ZCWPW2: variants seen among roughly 807,000 people sequenced by gnomAD.
ZCWPW2 encodes zinc finger CW-type and PWWP domain containing 2.
Under a neutral mutation model 46.6 loss-of-function variants are expected in ZCWPW2, and 45 were observed. That is an observed-to-expected ratio of 0.96 (90% CI 0.76 to 1.24). The LOEUF is 1.24. ZCWPW2 is among the 50% of genes most tolerant of loss of function. The pLI is 0.00. For missense variants in ZCWPW2, 429 were observed against 403.9 expected (o/e 1.06, Z -0.53); for synonymous variants, 152 against 137.1 (o/e 1.11, Z -0.76).
At chr3:28,484,642 T>C (rs1699534737) in intron 5 of ZCWPW2, among the ~76,000 whole-genome samples, 1 of 152,068 alleles carries the variant, frequency 6.6e-6, no homozygotes, top group African/African-American at 2.4e-5. Flanking sequence ...TCATTTCTAA[T>C]ATTAGTAATT....
chr3:28,391,587 A>T (rs143056850), intron 2 of ZCWPW2, among the ~76,000 whole-genome samples: 1 of 152,208 alleles, frequency 6.6e-6, no homozygotes, highest in African/African-American at 2.4e-5. Context: ...GGCTACTAGT[A>T]TCAGCAGTGT....
At chr3:28,454,133 C>G (rs1050781935) in intron 4 of ZCWPW2, among the ~76,000 whole-genome samples, 24 of 152,180 alleles carry the variant, frequency 1.6e-4, no homozygotes, top group African/African-American at 5.1e-4. Context: ...CGTGAGCCAC[C>G]GCGCCCGGCC....
intron 2 of ZCWPW2, among the ~76,000 whole-genome samples, chr3:28,410,089 A>G (rs1440170858): frequency 1.3e-5 from 2 of 152,150 alleles, no homozygotes; most frequent in African/African-American, 4.8e-5. Flanking sequence ...GGTTCCACTA[A>G]TTAAACTAGT....
Position 28,492,163 on chromosome 3 carries a change from T to A in ZCWPW2, c.647T>A (p.Val216Asp). ...SETHDKVAAL[V>D]KKRKQTSKNN... ...ACACATGACAAAGTTGCTGCACTGG[T>A]CAAGAAAAGGGTAAGATTGTGTTTT... Residue 216 changes from valine (V) to aspartate (D), a missense_variant, in exon 6 of 10, where the codon GTC becomes GAC. By Grantham distance (152) the Val-to-Asp change is radical (BLOSUM62 -3). Coordinates refer to ENST00000383768, the MANE Select transcript of ZCWPW2 (RefSeq NM_001040432.4). 6.2e-7 allele frequency: 1 copy of A among 1,607,444 alleles called. No homozygotes were observed. Among genetic ancestry groups the A allele is most frequent in the Non-Finnish European group, 8.5e-7 (1 of 1,177,158 alleles).
intron 5 of ZCWPW2, among the ~76,000 whole-genome samples, chr3:28,489,403 A>G (rs1699720352): frequency 6.6e-6 from 1 of 152,078 alleles, no homozygotes; most frequent in Admixed American, 6.6e-5. Flanking sequence ...GGCCCTTTAC[A>G]CATGATTAAT....
rs987531584 is a variant in ZCWPW2 at position 28,495,111 on chromosome 3, G to A, written c.657+2938G>A. ...TTCATATGGAACCAAAAAAGAGCCC[G>A]CATCGCCAAGTCAATCCTAAGCCAA... is the stretch of plus-strand genomic sequence containing the variant. On this transcript the variant is annotated intron_variant, in intron 6 of 9. Transcript: ENST00000383768. Among the ~76,000 whole-genome samples the A allele has an allele frequency of 5.3e-5, 8 of 151,506 alleles. 1 individual carries two copies. Among genetic ancestry groups the A allele is most frequent in the Admixed American group, 3.3e-4 (5 of 15,174 alleles).
chr3:28,417,561 A>G (rs1696651358), intron 3 of ZCWPW2, among the ~76,000 whole-genome samples: 2 of 151,322 alleles, frequency 1.3e-5, no homozygotes, highest in Admixed American at 1.3e-4. Flanking sequence ...AGACACAACA[A>G]AAAAAGAGAA....
At chr3:28,411,034 G>A (rs1046062547) in intron 2 of ZCWPW2, among the ~76,000 whole-genome samples, 1 of 151,822 alleles carries the variant, frequency 6.6e-6, no homozygotes, top group Non-Finnish European at 1.5e-5. Context: ...ATTTAATGAA[G>A]TGATTTTATA....
intron 3 of ZCWPW2, among the ~76,000 whole-genome samples, chr3:28,430,863 G>A (rs942921634): frequency 6.6e-6 from 1 of 152,104 alleles, no homozygotes; most frequent in Admixed American, 6.6e-5. Context: ...TACCCCTTCT[G>A]CCATGATTGT....
chr3:28,374,647 G>A (rs957105395), intron 1 of ZCWPW2, among the ~76,000 whole-genome samples: 69 of 151,978 alleles, frequency 4.5e-4, no homozygotes, highest in Non-Finnish European at 1.9e-4. Flanking sequence ...CTTTTCATCA[G>A]TGTTCTCTTC....
intron 1 of ZCWPW2, among the ~76,000 whole-genome samples, chr3:28,389,223 T>G (rs1409888554): frequency 6.6e-6 from 1 of 152,170 alleles, no homozygotes; most frequent in African/African-American, 2.4e-5. Flanking sequence ...TGCCACCCCT[T>G]GATTCATGGA....
At chr3:28,466,933 AAAC>A (rs1698847215) in intron 4 of ZCWPW2, among the ~76,000 whole-genome samples, 1 of 152,248 alleles carries the variant, frequency 6.6e-6, no homozygotes, top group Non-Finnish European at 1.5e-5. Flanking sequence ...CAATTAAAAA[AAAC>A]AATTGAGACT....
At chr3:28,460,375 C>T (rs1176290231) in intron 4 of ZCWPW2, among the ~76,000 whole-genome samples, 3 of 151,024 alleles carry the variant, frequency 2.0e-5, no homozygotes, top group Non-Finnish European at 2.9e-5. Context: ...CTATTTGTGT[C>T]TGTAGGAAAC....
At chr3:28,435,716 G>A (rs1259643858) in intron 4 of ZCWPW2, among the ~76,000 whole-genome samples, 2 of 151,978 alleles carry the variant, frequency 1.3e-5, no homozygotes, top group Non-Finnish European at 2.9e-5. Context: ...TCGAACTCCT[G>A]ACCTTGTGAT....
In ZCWPW2 at chr3:28,413,339, A is replaced by T; in HGVS notation, c.271A>T (p.Ile91Phe). The change falls in exon 3 of 10, where the codon ATT (isoleucine) becomes TTT (phenylalanine). Residue 91 changes from isoleucine to phenylalanine, a missense_variant. Physicochemically the swap from Ile to Phe is conservative, Grantham distance 21. Transcript: ENST00000383768. Reference sequence around the variant, plus strand: ...TCAGCTTCATCAGTGTGGATTTAAGATTGTCTATTCACAGCTCCCTCTTGG... The same window carrying T: ...TCAGCTTCATCAGTGTGGATTTAAGTTTGTCTATTCACAGCTCCCTCTTGG... ...ESQLHQCGFK[I>F]VYSQLPLGSL... 1.2e-6 allele frequency: 2 copies of T among 1,613,090 alleles called. No homozygotes were observed. Among genetic ancestry groups the T allele is most frequent in the Non-Finnish European group, 1.7e-6 (2 of 1,179,374 alleles).
At chr3:28,479,035 C>A in intron 5 of ZCWPW2, 104 bp downstream of exon 5, 1 of 686,286 alleles carries the variant, frequency 1.5e-6, no homozygotes, top group Non-Finnish European at 2.4e-6. Context: ...TCTTTCTCTT[C>A]ATAGGGAAAT....
chr3:28,432,921 G>C (rs937077016), intron 3 of ZCWPW2, among the ~76,000 whole-genome samples: 8 of 152,216 alleles, frequency 5.3e-5, no homozygotes, highest in South Asian at 2.1e-4. Context: ...TCTTGATACA[G>C]TAGCAATCCT....
chr3:28,386,309 G>A lies in ZCWPW2; in HGVS notation c.-133-4189G>A, dbSNP rs927835316. 2.2e-4 allele frequency among the ~76,000 whole-genome samples: 33 copies of A among 152,134 alleles called. 1 individual carries two copies. In the South Asian group the frequency reaches 6.2e-3, roughly 29 times the overall value. On this transcript the variant is annotated intron_variant, in intron 1 of 9. Coordinates refer to ENST00000383768, the MANE Select transcript of ZCWPW2 (RefSeq NM_001040432.4). Reference sequence around the variant, plus strand: ...GGATCCAGCAACGAGGCATCAGTCCGCAAGCCAGAAAGAGAGCCCTCACCA... The same window carrying A: ...GGATCCAGCAACGAGGCATCAGTCCACAAGCCAGAAAGAGAGCCCTCACCA...
intron 1 of ZCWPW2, among the ~76,000 whole-genome samples, chr3:28,365,361 A>G (rs1453351683): frequency 2.1e-5 from 3 of 141,484 alleles, no homozygotes; most frequent in East Asian, 3.9e-4. Flanking sequence ...CAGCTTTTAC[A>G]TATGGCTAGC....
Sources: allele counts gnomAD v4.1 joint callset (sites outside exome capture counted in the v4.1 genomes callset), GRCh38; gene constraint gnomAD v4.1.1; transcripts MANE v1.5; gene names NCBI Gene and HGNC (gene_info 2026-07-23, HGNC 2026-07-21).